The following KLHL22 variants were observed in gnomAD, a reference collection of about 807,000 sequenced individuals.
The protein encoded by KLHL22 is kelch like family member 22.
A neutral mutation model predicts 60.7 loss-of-function variants in KLHL22; 18 were observed. The ratio of observed to expected loss-of-function variants is 0.30; its 90% CI spans 0.20 to 0.44. KLHL22 has a LOEUF of 0.44. KLHL22 is among the 20% of genes least tolerant of loss of function. KLHL22 has a pLI of 1.00. For missense variants in KLHL22, 596 were observed against 852.3 expected (o/e 0.70, Z 3.74); for synonymous variants, 355 against 354.5 (o/e 1.00, Z -0.01).
rs564544341 is a variant in KLHL22 at position 20,455,724 on chromosome 22, T to C, written c.1305+2084A>G. 2.0e-4 allele frequency among the ~76,000 whole-genome samples: 30 copies of C among 152,354 alleles called. No homozygotes were observed. In the South Asian group the frequency reaches 5.0e-3, roughly 25 times the overall value. On this transcript the variant is annotated intron_variant, in intron 5 of 6. Transcript: ENST00000328879. Reference sequence around the variant, plus strand: ...GCTTCGAAAGTAACCTTTTGTTCACTGCAGTGGTAAAAAACACACCTCCTG... The same window carrying C: ...GCTTCGAAAGTAACCTTTTGTTCACCGCAGTGGTAAAAAACACACCTCCTG...
intron 4 of KLHL22, among the ~76,000 whole-genome samples, chr22:20,458,895 G>T (rs2053110281): frequency 6.6e-6 from 1 of 152,190 alleles, no homozygotes; most frequent in Non-Finnish European, 1.5e-5. Flanking sequence ...CTGGACTGCA[G>T]GCTCTGTAAG....
chr22:20,478,284 C>A (rs2146260624), intron 2 of KLHL22, among the ~76,000 whole-genome samples: 1 of 151,482 alleles, frequency 6.6e-6, no homozygotes, highest in South Asian at 2.1e-4. Flanking sequence ...CGGCTCACCA[C>A]AACCTCCAGC....
intron 2 of KLHL22, among the ~76,000 whole-genome samples, chr22:20,473,936 C>T (rs997349742): frequency 1.6e-5 from 1 of 63,632 alleles, no homozygotes; most frequent in African/African-American, 6.6e-5. Flanking sequence ...GCTCCCAGAC[C>T]ATCAGTCAGT....
chr22:20,471,611 G>GCCACCA, intron 2 of KLHL22, 96 bp from the exon 3 acceptor site: 1 of 1,348,928 alleles, frequency 7.4e-7, no homozygotes, highest in Non-Finnish European at 1.0e-6. Context: ...ACCTGGCGCT[G>GCCACCA]GTGGCAGGGC....
At chr22:20,474,397 TTTTA>T (rs2053375950) in intron 2 of KLHL22, among the ~76,000 whole-genome samples, 1 of 152,086 alleles carries the variant, frequency 6.6e-6, no homozygotes, top group Non-Finnish European at 1.5e-5. Context: ...TTTTATTTTA[TTTTA>T]TTTTTTTAAG....
rs369742224 is a variant in KLHL22, at chr22:20,457,398, A to G, written c.1305+410T>C. The stretch of plus-strand genomic sequence containing the variant: ...ACCTAGAGGGAAGAGGTCTGAGGAT[A>G]GGCCAGTGAGCTCTCAGGGTCCCTT... On this transcript the variant is annotated intron_variant, in intron 5 of 6. Transcript: ENST00000328879. 2.3e-4 allele frequency among the ~76,000 whole-genome samples: 35 copies of G among 152,272 alleles called. No homozygotes were observed. The East Asian group carries it at 4.8e-3, about 21-fold the overall frequency.
At chr22:20,489,359 G>A in intron 1 of KLHL22, 115 bp from the exon 2 acceptor site, 1 of 732,284 alleles carries the variant, frequency 1.4e-6, no homozygotes, top group Non-Finnish European at 2.3e-6. Flanking sequence ...AGGCTCACCT[G>A]TTTTCCCTCT....
intron 5 of KLHL22, chr22:20,451,537 C>T (rs542957840): frequency 1.1e-5 from 17 of 1,596,142 alleles, no homozygotes; most frequent in African/African-American, 5.4e-5. Flanking sequence ...GCTGAATGAC[C>T]GTATTTATGT....
At chr22:20,470,827 G>GATGC (rs1205079575) in intron 3 of KLHL22, among the ~76,000 whole-genome samples, 132 of 142,648 alleles carry the variant, frequency 9.3e-4, no homozygotes, top group African/African-American at 3.4e-3. Flanking sequence ...TGGATGGATG[G>GATGC]ATGCATGCAT....
At chr22:20,494,886 C>T (rs762842870) in intron 1 of KLHL22, among the ~76,000 whole-genome samples, 11 of 152,162 alleles carry the variant, frequency 7.2e-5, no homozygotes, top group Non-Finnish European at 1.5e-4. Context: ...TGAGTAGATA[C>T]CCTCAGCCTT....
chr22:20,451,250 G>A lies in KLHL22; in HGVS notation c.1306-4574C>T, dbSNP rs1035616094. Reference sequence around the variant, plus strand: ...GGTCTTGCTGGAGCCACCACCCTGGGAGATTTGATCTATGTCTCTGGAGGC... The same window carrying A: ...GGTCTTGCTGGAGCCACCACCCTGGAAGATTTGATCTATGTCTCTGGAGGC... On this transcript the variant is annotated intron_variant, in intron 5 of 6. Transcript: ENST00000328879. 5.0e-6 allele frequency: 8 copies of A among 1,604,210 alleles called. No individual in the cohort carries two copies. In the African/African-American group the frequency reaches 9.4e-5, roughly 19 times the overall value.
At position 20,495,174 on chromosome 22, in the gene KLHL22, T is replaced by C. The variant is rs1274129508; in HGVS notation, c.-34+586A>G. Among the ~76,000 whole-genome samples the C allele has an allele frequency of 6.6e-6, 1 of 152,132 alleles. No individual in the cohort carries two copies. The highest frequency in any genetic ancestry group is 6.5e-5 in the Admixed American group (1 of 15,286). On this transcript the variant is annotated intron_variant, in intron 1 of 6. Coordinates refer to ENST00000328879, the MANE Select transcript of KLHL22 (RefSeq NM_032775.4). This position sits in a 1 kb window ranked among gnomAD's most constrained non-coding sequence, Gnocchi z 4.6. ...GCCCCGCTGCCCGCCCCAGATCCAC[T>C]CGGCTCGGCCCGCACCGGATCTAAA... is the stretch of plus-strand genomic sequence containing the variant.
At chr22:20,474,841 C>T (rs575512318) in intron 2 of KLHL22, among the ~76,000 whole-genome samples, 9 of 152,196 alleles carry the variant, frequency 5.9e-5, no homozygotes, top group Non-Finnish European at 1.2e-4. Flanking sequence ...GTTGCTGGGT[C>T]GAAGGGTTTA....
chr22:20,475,227 G>A (rs1357976781), intron 2 of KLHL22: 1 of 148,818 alleles, frequency 6.7e-6, no homozygotes, highest in African/African-American at 2.5e-5. Context: ...CTGCAGTAGT[G>A]AGAAGGTGAA....
intron 6 of KLHL22, among the ~76,000 whole-genome samples, chr22:20,444,673 GTTAAAAC>G (rs2052825698): frequency 6.6e-6 from 1 of 152,224 alleles, no homozygotes; most frequent in Non-Finnish European, 1.5e-5. Flanking sequence ...ATTTGGAATA[GTTAAAAC>G]TTAGACACAA....
At chr22:20,450,432 A>G (rs1442128919) in intron 5 of KLHL22, 1 of 1,555,040 alleles carries the variant, frequency 6.4e-7, no homozygotes, top group Non-Finnish European at 8.9e-7. Context: ...ATGTACAGGA[A>G]CTGCTTCCTG....
At chr22:20,477,463 G>A (rs1483097427) in intron 2 of KLHL22, among the ~76,000 whole-genome samples, 1 of 152,084 alleles carries the variant, frequency 6.6e-6, no homozygotes, top group African/African-American at 2.4e-5. Context: ...AAAATTAGCT[G>A]GGCATGGTGG....
intron 4 of KLHL22, among the ~76,000 whole-genome samples, chr22:20,460,615 A>C (rs1430570511): frequency 0.015 from 282 of 19,276 alleles, 77 homozygotes; most frequent in African/African-American, 0.069. Context: ...TCCCCCAAAA[A>C]AAAAAAAAAA....
chr22:20,469,596 A>C (rs527402628), intron 3 of KLHL22, among the ~76,000 whole-genome samples: 1 of 152,022 alleles, frequency 6.6e-6, no homozygotes, highest in Admixed American at 6.5e-5. Flanking sequence ...GTAAAAGCCA[A>C]CTCCATCTAC....
Sources: gnomAD v4.1 joint callset for allele counts (sites outside exome capture counted in the v4.1 genomes callset) on GRCh38, gnomAD v4.1.1 for gene constraint, Gnocchi (gnomAD v3.1) non-coding constraint, MANE v1.5 for transcripts, NCBI Gene and HGNC (gene_info 2026-07-23, HGNC 2026-07-21) for gene names.